Variants in AFTPH observed in about 807,000 individuals in gnomAD.
AFTPH encodes the protein aftiphilin protein.
In AFTPH, 7 loss-of-function variants were observed where a neutral mutation model predicts 72.5. The ratio of observed to expected loss-of-function variants is 0.10; its 90% CI spans 0.05 to 0.18. The LOEUF is 0.18. AFTPH is among the 10% of genes least tolerant of loss of function. AFTPH has a pLI of 1.00. For missense variants in AFTPH, 979 were observed against 1,060.5 expected (o/e 0.92, Z 1.07); for synonymous variants, 337 against 370.1 (o/e 0.91, Z 1.03).
At chr2:64,553,503 C>T in intron 2 of AFTPH, 94 bp downstream of exon 2, 1 of 1,351,274 alleles carries the variant, frequency 7.4e-7, no homozygotes, top group Non-Finnish European at 9.8e-7. Context: ...CAACTGAGTA[C>T]TTGTTAAAGG....
intron 1 of AFTPH, among the ~76,000 whole-genome samples, chr2:64,549,278 TTATTC>T (rs1670871296): frequency 6.6e-6 from 1 of 151,870 alleles, no homozygotes; most frequent in African/African-American, 2.4e-5. Flanking sequence ...TGTGCTGGTT[TTATTC>T]TAGGACTTTG....
chr2:64,560,590 G>A (rs1671661640), intron 2 of AFTPH, among the ~76,000 whole-genome samples: 1 of 152,082 alleles, frequency 6.6e-6, no homozygotes, highest in Non-Finnish European at 1.5e-5. Context: ...TAATAGGGAG[G>A]GGCCGGGCAT....
At chr2:64,585,537 A>G (rs1354046801) in exon 8 of AFTPH, 4 of 1,608,726 alleles carry the variant, frequency 2.5e-6, no homozygotes, top group Non-Finnish European at 3.4e-6. Context: ...AGACAAGCAC[A>G]TCTACCAGGT....
intron 1 of AFTPH, among the ~76,000 whole-genome samples, chr2:64,525,189 T>C (rs746540493): frequency 3.3e-5 from 5 of 152,208 alleles, no homozygotes; most frequent in Admixed American, 3.3e-4. Context: ...TGCTGTCTTC[T>C]TGCACTCTTC....
At chr2:64,575,123 AT>A (rs3836066) in intron 6 of AFTPH, among the ~76,000 whole-genome samples, 53,367 of 151,882 alleles carry the variant, frequency 0.35, 9,480 homozygotes, top group South Asian at 0.39. Flanking sequence ...GTTGCCTGTA[AT>A]TTTTTCCTCT....
rs563394722 is a variant in AFTPH at position 64,551,388 on chromosome 2, G to A, written c.-32-55G>A. On this transcript the variant is annotated intron_variant, in intron 1 of 8. Transcript: ENST00000238856. ...AAGTAGCTTTGAGAGAATTTTGAAA[G>A]ATCTTGTTCTATGTAATCTGTCCCC... The A allele has an allele frequency of 7.0e-5, 95 of 1,357,094 alleles. No individual in the cohort carries two copies. The African/African-American group carries it at 1.3e-3, about 18-fold the overall frequency. The allele number at this position is 1,357,094 out of a possible 1,614,324, so 84.1% of individuals were successfully genotyped here. A position where few individuals can be genotyped will look rare whatever the true frequency, so the allele number is the denominator to read the frequency against.
intron 2 of AFTPH, among the ~76,000 whole-genome samples, chr2:64,555,502 A>G (rs868843816): frequency 6.0e-5 from 9 of 149,758 alleles, no homozygotes; most frequent in Non-Finnish European, 8.9e-5. Flanking sequence ...TGGAGGTTGC[A>G]GTGAGCCGAG....
chr2:64,592,602 A>G (rs1335707306), exon 9 of AFTPH: 1 of 145,190 alleles, frequency 6.9e-6, no homozygotes, highest in Non-Finnish European at 1.5e-5. Context: ...TTTGCAAGGT[A>G]CTTAATTGCT....
intron 6 of AFTPH, among the ~76,000 whole-genome samples, chr2:64,577,648 G>GCTTAGAGATGTTTGTTTCCTT (rs1465471248): frequency 1.3e-5 from 2 of 152,210 alleles, no homozygotes; most frequent in African/African-American, 2.4e-5. Flanking sequence ...CTGCTAGAAT[G>GCTTAGAGATGTTTGTTTCCTT]CTTAGAGATG....
intron 1 of AFTPH, among the ~76,000 whole-genome samples, chr2:64,548,217 C>A (rs1670773195): frequency 6.9e-6 from 1 of 145,206 alleles, no homozygotes; most frequent in African/African-American, 2.5e-5. Context: ...CAAGGTGAAA[C>A]CCCGTCTCTA....
intron 1 of AFTPH, among the ~76,000 whole-genome samples, chr2:64,539,324 T>C (rs1165571833): frequency 6.6e-6 from 1 of 152,220 alleles, no homozygotes; most frequent in Non-Finnish European, 1.5e-5. Context: ...AAAGCAAATA[T>C]TCATGATAGC....
At chr2:64,550,675 ATG>A (rs1491287231) in intron 1 of AFTPH, among the ~76,000 whole-genome samples, 2 of 123,978 alleles carry the variant, frequency 1.6e-5, no homozygotes, top group Admixed American at 8.3e-5. Flanking sequence ...AACTGTACGC[ATG>A]CACACACACA....
At chr2:64,525,619 C>G (rs1669211458) in intron 1 of AFTPH, 1 of 153,746 alleles carries the variant, frequency 6.5e-6, no homozygotes, top group Admixed American at 6.5e-5. Context: ...AGGGGAGACA[C>G]AGAGTTTATC....
In AFTPH at chr2:64,560,737, G is replaced by T. The variant is rs1011425615; in HGVS notation, c.1936-6825G>T. ...AAACTACAAAAGTTAGCTAGGCATG[G>T]TGGTGTGCGGCTGTAATTTGAGCTA... On this transcript the variant is annotated intron_variant, in intron 2 of 8. Coordinates refer to ENST00000238856, the Ensembl canonical transcript of AFTPH. Among the ~76,000 whole-genome samples, 5 of 152,188 alleles carry T rather than the reference G, an allele frequency of 3.3e-5. No individual in the cohort carries two copies. The East Asian group carries it at 9.6e-4, about 29-fold the overall frequency.
At chr2:64,579,791 GCTT>G (rs1382343376) in intron 7 of AFTPH, 4 of 376,314 alleles carry the variant, frequency 1.1e-5, no homozygotes, top group African/African-American at 2.1e-5. Flanking sequence ...TCAAAAGTAA[GCTT>G]CTTTATTTTT....
intron 1 of AFTPH, among the ~76,000 whole-genome samples, chr2:64,524,822 C>G (rs1302200034): frequency 6.6e-6 from 1 of 152,208 alleles, no homozygotes; most frequent in Non-Finnish European, 1.5e-5. Flanking sequence ...TGGTGGCGCC[C>G]GAAGCGCACG....
chr2:64,586,295 C>T (rs763608314), intron 8 of AFTPH, among the ~76,000 whole-genome samples: 2 of 152,172 alleles, frequency 1.3e-5, no homozygotes, highest in African/African-American at 4.8e-5. Context: ...GCTCTGCTGT[C>T]TCAAATCTGT....
intron 1 of AFTPH, 132 bp from the exon 2 acceptor site, chr2:64,551,310 TG>T: frequency 2.9e-6 from 2 of 678,702 alleles, no homozygotes; most frequent in Non-Finnish European, 4.8e-6. Context: ...ATGCAGGACA[TG>T]GTCAAGGAAA....
chr2:64,551,343 T>A, intron 1 of AFTPH, 100 bp from the exon 2 acceptor site: 2 of 904,824 alleles, frequency 2.2e-6, no homozygotes, highest in Non-Finnish European at 3.3e-6. Flanking sequence ...AATAGAGCAT[T>A]GTAAATTTGC....
Sources: allele counts gnomAD v4.1 joint callset (sites outside exome capture counted in the v4.1 genomes callset), GRCh38; gene constraint gnomAD v4.1.1; transcripts MANE v1.5; gene names NCBI Gene and HGNC (gene_info 2026-07-23, HGNC 2026-07-21).